The following TPM2 variants were observed in gnomAD, a reference collection of about 807,000 sequenced individuals.
TPM2 encodes the protein tropomyosin 2.
In TPM2, 26 loss-of-function variants were observed where a neutral mutation model predicts 41.0. The ratio of observed to expected loss-of-function variants is 0.63; its 90% CI spans 0.46 to 0.88. The LOEUF is 0.88. Among genes scored for constraint, TPM2 ranks in the 40% least tolerant of loss-of-function variants. TPM2 has a pLI of 0.00. For synonymous variants in TPM2, 143 were observed against 139.3 expected (o/e 1.03, Z -0.19); for missense variants, 187 against 355.2 (o/e 0.53, Z 3.81).
At chr9:35,684,887 G>A (rs1824793443) in intron 5 of TPM2, 80 bp from the exon 6 acceptor site, 27 of 1,612,874 alleles carry the variant, frequency 1.7e-5, no homozygotes, top group African/African-American at 2.7e-5. Context: ...AGCAGGGGAC[G>A]GGTGGAGGAG....
intron 2 of TPM2, among the ~76,000 whole-genome samples, chr9:35,688,239 C>T (rs1825046428): frequency 1.3e-5 from 2 of 152,154 alleles, no homozygotes; most frequent in African/African-American, 4.8e-5. Context: ...TCACAGAAGC[C>T]CAACCCCTGG....
In TPM2 at chr9:35,689,923, A is replaced by G; in HGVS notation, c.-106T>C. 2 of 1,594,444 alleles carry G rather than the reference A, an allele frequency of 1.3e-6. No individual in the cohort carries two copies. The highest frequency in any genetic ancestry group is 1.7e-6 in the Non-Finnish European group (2 of 1,172,766). ...TGGCAGGCGAGGAGGACGGAGCGGG[A>G]CTGGGACGTCCCGGCCACGCGGGCG... On this transcript the variant is annotated 5_prime_UTR_variant, in exon 1 of 9. Coordinates refer to ENST00000645482, the MANE Select transcript of TPM2 (RefSeq NM_003289.4).
At chr9:35,684,145 C>T (rs1164178483) in intron 8 of TPM2, 101 bp downstream of exon 8, 12 of 1,284,586 alleles carry the variant, frequency 9.3e-6, no homozygotes, top group Non-Finnish European at 1.2e-5. Context: ...CCTAGGTGGC[C>T]CAACCCTAGT....
intron 2 of TPM2, among the ~76,000 whole-genome samples, chr9:35,687,234 G>C: frequency 6.6e-6 from 1 of 152,108 alleles, no homozygotes; most frequent in Non-Finnish European, 1.5e-5. Context: ...GGATGTGTAG[G>C]GCGGGGGCTT....
chr9:35,685,667 C>G lies in TPM2; in HGVS notation c.354G>C (p.Lys118Asn). The G allele has an allele frequency of 6.2e-7, 1 of 1,614,116 alleles. No homozygotes were observed. Among genetic ancestry groups the G allele is most frequent in the Non-Finnish European group, 8.5e-7 (1 of 1,180,024 alleles). The change falls in exon 3 of 9, where the codon AAG becomes AAC. Residue 118 changes from lysine (K) to asparagine (N), a missense_variant. Lys to Asn is a moderately conservative substitution (Grantham distance 94). Coordinates refer to ENST00000645482, the MANE Select transcript of TPM2 (RefSeq NM_003289.4). The surrounding 1 kb of genome is among the most constrained non-coding windows in gnomAD (Gnocchi z 5.0). The part of the protein sequence containing the change: ...TALQKLEEAE[K>N]AADESERGMK... Reference sequence around the variant, plus strand: ...ACCACCTCTCGCTCTCATCAGCCGCCTTCTCGGCCTCCTCCAGCTTCTGCA... The same window carrying G: ...ACCACCTCTCGCTCTCATCAGCCGCGTTCTCGGCCTCCTCCAGCTTCTGCA...
At position 35,685,972 on chromosome 9, in the gene TPM2, C is replaced by T. The variant is rs979148315; in HGVS notation, c.241-192G>A. Reference sequence around the variant, plus strand: ...TCCAGTAAAAAATGTGCATTCAGGCCGGGCATGGTGGCTCACGCCTGTAAT... The same window carrying T: ...TCCAGTAAAAAATGTGCATTCAGGCTGGGCATGGTGGCTCACGCCTGTAAT... On this transcript the variant is annotated intron_variant, in intron 2 of 8. Transcript: ENST00000645482. This position sits in a 1 kb window ranked among gnomAD's most constrained non-coding sequence, Gnocchi z 5.0. Among the ~76,000 whole-genome samples, 7 of 152,208 alleles carry T rather than the reference C, an allele frequency of 4.6e-5. No homozygotes were observed. The highest frequency in any genetic ancestry group is 9.7e-5 in the African/African-American group (4 of 41,446).
intron 8 of TPM2, 95 bp from the exon 9 acceptor site, chr9:35,683,336 CAG>C: frequency 1.6e-6 from 2 of 1,247,530 alleles, no homozygotes; most frequent in Non-Finnish European, 2.3e-6. Flanking sequence ...GAAAGAAAAA[CAG>C]AATCAGAGGT....
chr9:35,685,332 C>T lies in TPM2; in HGVS notation c.500G>A (p.Arg167Lys). ...CTCTCCTTCCAGGATCACCAGCTTC[C>T]TGGCCACCTGTGGGGAGTGAGAAAG... ...DSDRKYEEVA[R>K]KLVILEGELE... The change falls in exon 5 of 9, where the codon AGG (arginine) becomes AAG (lysine). Residue 167 changes from arginine (R) to lysine (K), a missense_variant. Transcript: ENST00000645482. The surrounding 1 kb of genome is among the most constrained non-coding windows in gnomAD (Gnocchi z 5.0). 1 of 1,614,202 alleles carries T rather than the reference C, an allele frequency of 6.2e-7. No individual in the cohort carries two copies. Among genetic ancestry groups the T allele is most frequent in the Non-Finnish European group, 8.5e-7 (1 of 1,180,012 alleles).
rs141787985 is a variant in TPM2, at chr9:35,685,673, G to A, written c.348C>T (p.Ala116=). ...LATALQKLEE[A]EKAADESERG... ...TCTCGCTCTCATCAGCCGCCTTCTC[G>A]GCCTCCTCCAGCTTCTGCAGGGCTG... Residue 116 remains alanine (A), a synonymous_variant, in exon 3 of 9, where the codon GCC becomes GCT. Coordinates refer to ENST00000645482, the MANE Select transcript of TPM2 (RefSeq NM_003289.4). This position sits in a 1 kb window ranked among gnomAD's most constrained non-coding sequence, Gnocchi z 5.0. The A allele has an allele frequency of 1.7e-5, 27 of 1,613,822 alleles. No individual in the cohort carries two copies. The highest frequency in any genetic ancestry group is 1.5e-4 in the South Asian group (14 of 91,064).
chr9:35,689,373 G>C (rs537003502), intron 1 of TPM2, 102 bp from the exon 2 acceptor site: 2 of 1,549,972 alleles, frequency 1.3e-6, no homozygotes, highest in Non-Finnish European at 1.7e-6. Flanking sequence ...GAGGCTACTG[G>C]GATGGAAGCG....
Position 35,689,882 on chromosome 9 carries a change from G to A in TPM2, c.-65C>T, listed in dbSNP as rs377242459. 1.6e-3 allele frequency: 2,497 copies of A among 1,610,064 alleles called. 56 individuals are homozygous for A. The South Asian group carries it at 0.025, about 16-fold the overall frequency. On this transcript the variant is annotated 5_prime_UTR_variant, in exon 1 of 9. Coordinates refer to ENST00000645482, the MANE Select transcript of TPM2 (RefSeq NM_003289.4). The stretch of plus-strand genomic sequence containing the variant: ...ACCGGACGGACTGGGCTGGGTGAGC[G>A]GACTGGGTGCACCGGTGGCAGGCGA...
chr9:35,682,995 G>C lies in TPM2; in HGVS notation c.*164C>G. 1 of 1,537,700 alleles carries C rather than the reference G, an allele frequency of 6.5e-7. No homozygotes were observed. On this transcript the variant is annotated 3_prime_UTR_variant, in exon 9 of 9. Transcript: ENST00000645482. ...AGGGGATAGGTAAAGGATGAAGCCA[G>C]TGCCAGAGTGGGTGGTGGGCATGAT...
intron 8 of TPM2, 177 bp downstream of exon 8, chr9:35,684,069 C>G: frequency 1.5e-6 from 1 of 656,938 alleles, no homozygotes; most frequent in Non-Finnish European, 2.8e-6. Context: ...GGAGTTGTTG[C>G]GCCGTGGGCA....
Position 35,689,251 on chromosome 9 carries a change from G to T in TPM2, c.135C>A (p.Ala45=). 6.2e-7 allele frequency: 1 copy of T among 1,614,174 alleles called. No individual in the cohort carries two copies. Among genetic ancestry groups the T allele is most frequent in the Non-Finnish European group, 8.5e-7 (1 of 1,180,020 alleles). ...CTGTCCCCTTCAGCTTCTTCTGGAG[G>T]GCCTGCTGCTCCTCCTCCAGCTGGG... ...RCKQLEEEQQ[A]LQKKLKGTED... The change falls in exon 2 of 9, where the codon GCC becomes GCA. Residue 45 remains alanine, a synonymous_variant. Transcript: ENST00000645482.
In TPM2 at chr9:35,684,550, A is replaced by G. The variant is rs1366945425; in HGVS notation, c.640T>C (p.Tyr214His). The change falls in exon 7 of 9, where the codon TAT becomes CAT. Residue 214 changes from tyrosine to histidine, a missense_variant and splice_region_variant. Physicochemically the swap from Tyr to His is moderately conservative, Grantham distance 83. Coordinates refer to ENST00000645482, the MANE Select transcript of TPM2 (RefSeq NM_003289.4). ...LKSLEAQADKYSTKEDKYEEE... is the reference protein window; with the variant it reads ...LKSLEAQADKHSTKEDKYEEE... The stretch of plus-strand genomic sequence containing the variant: ...TCATATTTATCTTCTTTGGTGGAAT[A>G]CTTTTGGGGACACACACACGCCATC... 6.2e-7 allele frequency: 1 copy of G among 1,614,072 alleles called. No homozygotes were observed. The highest frequency in any genetic ancestry group is 8.5e-7 in the Non-Finnish European group (1 of 1,180,012).
intron 2 of TPM2, among the ~76,000 whole-genome samples, chr9:35,688,118 C>T (rs1446725197): frequency 2.0e-5 from 3 of 152,066 alleles, no homozygotes; most frequent in African/African-American, 7.3e-5. Flanking sequence ...TGCACTGGGC[C>T]TTGGTTATTT....
At position 35,683,244 on chromosome 9, in the gene TPM2, G is replaced by GT. The variant is rs1554658501; in HGVS notation, c.773-4_773-3insA. The GT allele has an allele frequency of 2.0e-3, 2,873 of 1,450,610 alleles. 50 individuals carry two copies. In the African/African-American group the frequency reaches 0.043, roughly 22 times the overall value. 89.9% of individuals were successfully genotyped at this position (1,450,610 alleles called of 1,614,324 possible). On this transcript the variant is annotated splice_polypyrimidine_tract_variant and splice_region_variant and intron_variant, in intron 8 of 8. Transcript: ENST00000645482. ...CATCTTCTGGGCATAGACTTCATCT[G>GT]GGGGGGGTCCAGGGAGGGGACCAGG...
chr9:35,684,531 T>G lies in TPM2; in HGVS notation c.659A>C (p.Lys220Thr), dbSNP rs755847132. 6.2e-7 allele frequency: 1 copy of G among 1,614,142 alleles called. No homozygotes were observed. Among genetic ancestry groups the G allele is most frequent in the South Asian group, 1.1e-5 (1 of 91,086 alleles). ...QADKYSTKED[K>T]YEEEIKLLEE... The stretch of plus-strand genomic sequence containing the variant: ...CAACAGTTTGATCTCCTCTTCATAT[T>G]TATCTTCTTTGGTGGAATACTTTTG... The change falls in exon 7 of 9, where the codon AAA becomes ACA. Residue 220 changes from lysine to threonine, a missense_variant. By Grantham distance (78) the Lys-to-Thr change is moderately conservative. Coordinates refer to ENST00000645482, the MANE Select transcript of TPM2 (RefSeq NM_003289.4).
chr9:35,682,546 A>T (rs972955995), downstream of TPM2: 1 of 1,246,252 alleles, frequency 8.0e-7, no homozygotes. Flanking sequence ...TGAAAGCCCC[A>T]TGTTGCTGAT....
Sources: gnomAD v4.1 joint callset for allele counts (sites outside exome capture counted in the v4.1 genomes callset) on GRCh38, gnomAD v4.1.1 for gene constraint, Gnocchi (gnomAD v3.1) non-coding constraint, MANE v1.5 for transcripts, NCBI Gene and HGNC (gene_info 2026-07-23, HGNC 2026-07-21) for gene names.